The following PARP4 variants were observed in gnomAD, a reference collection of about 807,000 sequenced individuals.
PARP4 encodes the protein protein mono-ADP-ribosyltransferase PARP4.
Under a neutral mutation model 187.7 loss-of-function variants are expected in PARP4, and 120 were observed. The ratio of observed to expected loss-of-function variants is 0.64; its 90% CI spans 0.55 to 0.74. The LOEUF (loss-of-function observed/expected upper bound fraction) is 0.74, where lower values mean the gene tolerates loss of function less well. Ranked by LOEUF, PARP4 falls within the 30% of genes least tolerant of loss-of-function variation. PARP4 has a pLI of 0.00. For missense variants in PARP4, 1,836 were observed against 2,070.5 expected, an observed-to-expected ratio of 0.89 and a Z score of 2.20; for synonymous variants, 654 against 740.9, an observed-to-expected ratio of 0.88 and a Z score of 1.90.
intron 22 of PARP4, among the ~76,000 whole-genome samples, chr13:24,454,527 G>A (rs1384955533): frequency 3.3e-5 from 5 of 152,172 alleles, no homozygotes; most frequent in East Asian, 1.9e-4. Flanking sequence ...GTGCTGGCCC[G>A]ATACTTCCTG....
intron 24 of PARP4, 126 bp downstream of exon 24, chr13:24,452,280 C>T (rs1871560322): frequency 2.7e-6 from 2 of 728,712 alleles, no homozygotes; most frequent in Admixed American, 5.4e-5. Context: ...CCCGGAGCCC[C>T]ATCCCTCTAT....
At chr13:24,507,077 G>A (rs1218511259) in intron 1 of PARP4, among the ~76,000 whole-genome samples, 4 of 149,056 alleles carry the variant, frequency 2.7e-5, no homozygotes, top group Non-Finnish European at 4.4e-5. Flanking sequence ...GTCCGGGGCC[G>A]GCGGGGCCAG....
intron 30 of PARP4, among the ~76,000 whole-genome samples, chr13:24,437,854 A>AAAAAAAAAAAAAAT (rs1870711921): frequency 6.6e-6 from 1 of 151,654 alleles, no homozygotes; most frequent in Non-Finnish European, 1.5e-5. Context: ...CATCTCAAAA[A>AAAAAAAAAAAAAAT]AAAAAAAGAA....
chr13:24,491,606 A>G (rs7322794), intron 9 of PARP4, among the ~76,000 whole-genome samples: 16,714 of 152,284 alleles, frequency 0.11, 990 homozygotes, highest in African/African-American at 0.12. Flanking sequence ...TCTAGGACAC[A>G]AATCTCTGAT....
chr13:24,500,036 A>AG (rs1046933925), intron 4 of PARP4, among the ~76,000 whole-genome samples: 1 of 103,000 alleles, frequency 9.7e-6, no homozygotes, highest in Non-Finnish European at 2.1e-5. Flanking sequence ...GGATGAAAAT[A>AG]GGTTTTTTTT....
chr13:24,500,474 A>G lies in PARP4; in HGVS notation c.335-92T>C, dbSNP rs1244343855. 6.8e-6 allele frequency: 5 copies of G among 739,796 alleles called. No individual in the cohort carries two copies. The East Asian group carries it at 8.4e-5, about 12-fold the overall frequency. 45.8% of individuals were successfully genotyped at this position (739,796 alleles called of 1,614,324 possible). ...GTGCTGGAATTGTTAAGATTCATAAATATATCCTTAAATTAGTTATAATTT... is the reference window on the plus strand; with the variant it reads ...GTGCTGGAATTGTTAAGATTCATAAGTATATCCTTAAATTAGTTATAATTT... On this transcript the variant is annotated intron_variant, in intron 3 of 33. Coordinates refer to ENST00000381989, the MANE Select transcript of PARP4 (RefSeq NM_006437.4).
At chr13:24,467,231 C>T (rs1872520682) in intron 17 of PARP4, among the ~76,000 whole-genome samples, 1 of 152,202 alleles carries the variant, frequency 6.6e-6, no homozygotes, top group South Asian at 2.1e-4. Context: ...TTCGGCACCA[C>T]AATTTTCTCT....
In PARP4 at chr13:24,434,484, G is replaced by A; in HGVS notation, c.4657C>T (p.Leu1553=). 6.2e-7 allele frequency: 1 copy of A among 1,613,434 alleles called. No homozygotes were observed. The highest frequency in any genetic ancestry group is 8.5e-7 in the Non-Finnish European group (1 of 1,179,526). The change falls in exon 31 of 34, where the codon CTG becomes TTG. Residue 1553 remains leucine (L), a synonymous_variant. Transcript: ENST00000381989. ...ATTTCATCCTCTTCTTTTACTTCCA[G>A]AAAGCACAGGATACTGTCATCTTTT... ...DTKDDSILCF[L]EVKEEDEIVC...
At position 24,490,835 on chromosome 13, in the gene PARP4, G is replaced by T; in HGVS notation, c.1054-7C>A. On this transcript the variant is annotated splice_polypyrimidine_tract_variant and splice_region_variant and intron_variant, in intron 9 of 33. Coordinates refer to ENST00000381989, the MANE Select transcript of PARP4 (RefSeq NM_006437.4). ...TAACCATGTCTCTTATTAGCTGTAG[G>T]TGGAAATAATACACAGATGTCAGAA... is the stretch of plus-strand genomic sequence containing the variant. The T allele has an allele frequency of 1.2e-6, 2 of 1,610,132 alleles. No homozygotes were observed. The highest frequency in any genetic ancestry group is 1.3e-5 in the African/African-American group (1 of 74,870).
intron 2 of PARP4, 120 bp downstream of exon 2, chr13:24,503,525 A>G (rs576392193): frequency 9.9e-6 from 12 of 1,216,120 alleles, no homozygotes; most frequent in South Asian, 9.4e-5. Flanking sequence ...CTCCTGATGA[A>G]CTTCGAGTAG....
chr13:24,449,522 C>A (rs944920975), intron 25 of PARP4, among the ~76,000 whole-genome samples, 196 bp downstream of exon 25: 1 of 151,652 alleles, frequency 6.6e-6, no homozygotes, highest in Admixed American at 6.6e-5. Flanking sequence ...AAACCATAAG[C>A]TGGGAGAATG....
chr13:24,431,918 G>A (rs1048556614), intron 31 of PARP4, among the ~76,000 whole-genome samples: 12 of 152,050 alleles, frequency 7.9e-5, no homozygotes, highest in South Asian at 4.1e-4. Flanking sequence ...TAGTAGAGAC[G>A]GGGTTTCACC....
At chr13:24,456,546 C>A in intron 20 of PARP4, 68 bp from the exon 21 acceptor site, 1 of 1,449,940 alleles carries the variant, frequency 6.9e-7, no homozygotes, top group Non-Finnish European at 9.4e-7. Context: ...TCTGCACTTA[C>A]CTGTCATGGA....
intron 25 of PARP4, among the ~76,000 whole-genome samples, chr13:24,448,330 C>A (rs1452705644): frequency 6.6e-6 from 1 of 152,042 alleles, no homozygotes; most frequent in Admixed American, 6.6e-5. Context: ...ATTGCTTGGG[C>A]TCAGAAAGTT....
At chr13:24,448,104 G>C (rs1402688381) in intron 25 of PARP4, among the ~76,000 whole-genome samples, 4 of 152,166 alleles carry the variant, frequency 2.6e-5, no homozygotes, top group African/African-American at 9.7e-5. Flanking sequence ...CCACCTACTT[G>C]GGGGATGAGG....
chr13:24,426,755 G>A (rs943464711), intron 32 of PARP4, among the ~76,000 whole-genome samples, 157 bp from the exon 33 acceptor site: 5 of 151,578 alleles, frequency 3.3e-5, no homozygotes, highest in African/African-American at 4.8e-5. Flanking sequence ...ATTAGCCGGG[G>A]GTGGCAGGCA....
At chr13:24,454,123 ACT>A (rs967713728) in intron 22 of PARP4, among the ~76,000 whole-genome samples, 10 of 151,882 alleles carry the variant, frequency 6.6e-5, no homozygotes, top group African/African-American at 2.4e-4. Flanking sequence ...AATTCACCAC[ACT>A]ATTTTTCTAA....
chr13:24,483,767 C>G (rs1235084603), intron 12 of PARP4, among the ~76,000 whole-genome samples: 1 of 152,084 alleles, frequency 6.6e-6, no homozygotes, highest in East Asian at 2.0e-4. Flanking sequence ...GCTGGGACTA[C>G]AGGTGCACAC....
intron 7 of PARP4, among the ~76,000 whole-genome samples, chr13:24,494,169 T>C (rs1466864655): frequency 6.6e-6 from 1 of 152,188 alleles, no homozygotes; most frequent in East Asian, 1.9e-4. Flanking sequence ...CAGATTTCCT[T>C]TTCTGAACTC....
Sources: allele counts gnomAD v4.1 joint callset (sites outside exome capture counted in the v4.1 genomes callset), GRCh38; gene constraint gnomAD v4.1.1; transcripts MANE v1.5; gene names NCBI Gene and HGNC (gene_info 2026-07-23, HGNC 2026-07-21).